The following BRINP3 variants were observed in gnomAD, a reference collection of about 807,000 sequenced individuals.
BRINP3 encodes the protein BMP/retinoic acid inducible neural specific 3.
In BRINP3, 19 loss-of-function variants were observed where a neutral mutation model predicts 71.0. The observed-to-expected ratio is 0.27, with a 90% CI of 0.19 to 0.39. The LOEUF is 0.39. BRINP3 is among the 10% of genes least tolerant of loss of function. The probability of loss-of-function intolerance (pLI) is 1.00; values close to 1 mark genes in which losing one functional copy is unlikely to be tolerated. For synonymous variants in BRINP3, 380 were observed against 337.7 expected, an observed-to-expected ratio of 1.13 and a Z score of -1.37; for missense variants, 959 against 940.8, an observed-to-expected ratio of 1.02 and a Z score of -0.25.
rs1351679621 is a variant in BRINP3 at position 190,207,756 on chromosome 1, T to A, written c.961+18326A>T. Among the ~76,000 whole-genome samples the A allele has an allele frequency of 2.0e-5, 3 of 152,170 alleles. No homozygotes were observed. The South Asian group carries it at 6.2e-4, about 31-fold the overall frequency. On this transcript the variant is annotated intron_variant, in intron 6 of 7. Coordinates refer to ENST00000367462, the MANE Select transcript of BRINP3 (RefSeq NM_199051.3). ...AATGCATATAAAATATTGAATTACA[T>A]AATGATAATGAACAAATTGATTTTT...
At chr1:190,146,944 T>C (rs1655940130) in intron 7 of BRINP3, among the ~76,000 whole-genome samples, 1 of 152,030 alleles carries the variant, frequency 6.6e-6, no homozygotes, top group Non-Finnish European at 1.5e-5. Context: ...GAGCAAGCTC[T>C]CCATGTATTC....
chr1:190,111,557 A>C (rs1435608798), intron 7 of BRINP3, among the ~76,000 whole-genome samples: 1 of 152,112 alleles, frequency 6.6e-6, no homozygotes, highest in Non-Finnish European at 1.5e-5. Context: ...TTTCCCTTAG[A>C]GTTAGAGGTA....
chr1:190,113,123 C>A (rs1196444159), intron 7 of BRINP3, among the ~76,000 whole-genome samples: 2 of 151,684 alleles, frequency 1.3e-5, no homozygotes, highest in African/African-American at 4.8e-5. Context: ...ACAAATATTA[C>A]CAATTAAATA....
At chr1:190,416,218 T>C (rs1241395592) in intron 2 of BRINP3, among the ~76,000 whole-genome samples, 6 of 152,178 alleles carry the variant, frequency 3.9e-5, no homozygotes, top group Non-Finnish European at 8.8e-5. Flanking sequence ...CACACCCATA[T>C]TAGGTAAATA....
intron 2 of BRINP3, among the ~76,000 whole-genome samples, chr1:190,390,065 G>C (rs1671155992): frequency 6.6e-6 from 1 of 151,724 alleles, no homozygotes; most frequent in African/African-American, 2.4e-5. Flanking sequence ...CTTTGATAGA[G>C]ACAGAGGACA....
chr1:190,112,956 T>C (rs757783534), intron 7 of BRINP3, among the ~76,000 whole-genome samples: 26 of 152,226 alleles, frequency 1.7e-4, no homozygotes, highest in South Asian at 8.3e-4. Flanking sequence ...CATGAAAGCA[T>C]TACTGAATGG....
chr1:190,395,864 T>G (rs1318097794), intron 2 of BRINP3, among the ~76,000 whole-genome samples: 1 of 151,840 alleles, frequency 6.6e-6, no homozygotes, highest in Admixed American at 6.6e-5. Context: ...ACACCATTTG[T>G]TTTCCTTCTT....
intron 1 of BRINP3, among the ~76,000 whole-genome samples, chr1:190,472,123 T>A (rs943591426): frequency 6.6e-6 from 1 of 151,646 alleles, no homozygotes; most frequent in African/African-American, 2.4e-5. Context: ...TTTGTTTTCA[T>A]AACATATTTG....
At chr1:190,278,199 A>T (rs1332146228) in intron 3 of BRINP3, among the ~76,000 whole-genome samples, 5 of 151,636 alleles carry the variant, frequency 3.3e-5, no homozygotes, top group Non-Finnish European at 5.9e-5. Context: ...AAGCATTGAA[A>T]TTTTTTTGAA....
rs147998105 is a variant in BRINP3 at position 190,191,702 on chromosome 1, T to C, written c.962-30812A>G. ...TCCATGTCCTTGCTATTGTAAATAGTGCTGCAATAAACGTATGTGTGCCTG... is the reference window on the plus strand; with the variant it reads ...TCCATGTCCTTGCTATTGTAAATAGCGCTGCAATAAACGTATGTGTGCCTG... On this transcript the variant is annotated intron_variant, in intron 6 of 7. Coordinates refer to ENST00000367462, the MANE Select transcript of BRINP3 (RefSeq NM_199051.3). Among the ~76,000 whole-genome samples, 796 of 152,194 alleles carry C rather than the reference T, an allele frequency of 5.2e-3. 5 individuals carry two copies. The highest frequency in any genetic ancestry group is 0.018 in the African/African-American group (754 of 41,528).
chr1:190,223,260 G>A (rs1489891181), intron 6 of BRINP3, among the ~76,000 whole-genome samples: 2 of 151,882 alleles, frequency 1.3e-5, no homozygotes, highest in East Asian at 3.9e-4. Context: ...GATGAGCAGA[G>A]ATGCAAAGAT....
Position 190,136,463 on chromosome 1 carries a change from C to T in BRINP3, c.1184+24205G>A, listed in dbSNP as rs370664124. ...CTTTTCTATTCCCATTAGCTATGCA[C>T]TAATTGCAGTTTTTCTCTAATGCTT... On this transcript the variant is annotated intron_variant, in intron 7 of 7. Transcript: ENST00000367462. Among the ~76,000 whole-genome samples, 5 of 152,206 alleles carry T rather than the reference C, an allele frequency of 3.3e-5. No individual in the cohort carries two copies. The East Asian group carries it at 9.6e-4, about 29-fold the overall frequency.
intron 3 of BRINP3, among the ~76,000 whole-genome samples, chr1:190,277,119 T>TATATATA (rs1401150849): frequency 1.2e-3 from 32 of 26,962 alleles, no homozygotes; most frequent in Non-Finnish European, 1.7e-3. Flanking sequence ...ATATATATAT[T>TATATATA]TATATTCAGA....
At chr1:190,239,956 A>C (rs542499015) in intron 4 of BRINP3, among the ~76,000 whole-genome samples, 2 of 151,828 alleles carry the variant, frequency 1.3e-5, no homozygotes, top group South Asian at 2.1e-4. Context: ...AATCCAATAC[A>C]ATCTATTTTA....
intron 7 of BRINP3, among the ~76,000 whole-genome samples, chr1:190,140,374 CTAT>C (rs531983925): frequency 2.0e-5 from 3 of 151,812 alleles, no homozygotes; most frequent in African/African-American, 2.4e-5. Flanking sequence ...ATATGTGATA[CTAT>C]TATTATTATA....
intron 7 of BRINP3, among the ~76,000 whole-genome samples, chr1:190,160,194 C>G (rs1262298274): frequency 1.3e-5 from 2 of 151,942 alleles, no homozygotes; most frequent in African/African-American, 2.4e-5. Flanking sequence ...ATTTTAGAAG[C>G]TTTCATAGTA....
chr1:190,324,461 T>A (rs934502753), intron 2 of BRINP3, among the ~76,000 whole-genome samples: 1 of 151,816 alleles, frequency 6.6e-6, no homozygotes, highest in Non-Finnish European at 1.5e-5. Flanking sequence ...ATAAGTTACC[T>A]TGGGAGAAAA....
chr1:190,227,654 C>T (rs1657526919), intron 5 of BRINP3, among the ~76,000 whole-genome samples: 1 of 151,726 alleles, frequency 6.6e-6, no homozygotes, highest in Admixed American at 6.6e-5. Context: ...AGGCATTGAA[C>T]ATTATTTGAC....
At chr1:190,345,229 T>A (rs571724201) in intron 2 of BRINP3, among the ~76,000 whole-genome samples, 3 of 151,942 alleles carry the variant, frequency 2.0e-5, no homozygotes, top group Admixed American at 6.6e-5. Flanking sequence ...TTGTGCATGT[T>A]CATAATCGTT....
Sources: gnomAD v4.1 joint callset for allele counts (sites outside exome capture counted in the v4.1 genomes callset) on GRCh38, gnomAD v4.1.1 for gene constraint, MANE v1.5 for transcripts, NCBI Gene and HGNC (gene_info 2026-07-23, HGNC 2026-07-21) for gene names.